Variants in THADA observed in about 807,000 individuals in gnomAD.
The protein encoded by THADA is tRNA (32-2'-O)-methyltransferase regulator THADA.
THADA carries 213 observed loss-of-function variants against 219.8 expected under a neutral mutation model. The observed-to-expected ratio is 0.97, with a 90% CI of 0.87 to 1.09. The LOEUF (loss-of-function observed/expected upper bound fraction) is 1.09, where lower values mean the gene tolerates loss of function less well. Among genes scored for constraint, THADA ranks in the 50% least tolerant of loss-of-function variants. THADA has a pLI of 0.00. For missense variants in THADA, 2,956 were observed against 2,311.3 expected (o/e 1.28, Z -5.72); for synonymous variants, 1,018 against 828.9 (o/e 1.23, Z -3.92).
At chr2:43,249,380 G>A (rs1196050318) in intron 36 of THADA, among the ~76,000 whole-genome samples, 1 of 152,120 alleles carries the variant, frequency 6.6e-6, no homozygotes, top group African/African-American at 2.4e-5. Context: ...AATCGTTGTG[G>A]CCGGCCAATG....
chr2:43,515,181 T>C (rs1232708172), intron 22 of THADA, among the ~76,000 whole-genome samples: 2 of 45,224 alleles, frequency 4.4e-5, no homozygotes, highest in Non-Finnish European at 7.5e-5. Flanking sequence ...TTATATATTA[T>C]ATATAATATA....
rs1378750867 is a variant in THADA, at chr2:43,485,428, T to C, written c.3745-103A>G. ...AATTCAAAATCATTACCTAACTGGC[T>C]AGTGTGAGGCTAAAAAGACAGATTT... On this transcript the variant is annotated intron_variant, in intron 25 of 37. Transcript: ENST00000405975. The C allele has an allele frequency of 5.1e-6, 4 of 791,242 alleles. No homozygotes were observed. In the Admixed American group the frequency reaches 9.4e-5, roughly 19 times the overall value. 49.0% of individuals were successfully genotyped at this position (791,242 alleles called of 1,614,324 possible).
chr2:43,533,637 G>A (rs1256916800), intron 21 of THADA, among the ~76,000 whole-genome samples: 2 of 152,124 alleles, frequency 1.3e-5, no homozygotes, highest in Non-Finnish European at 2.9e-5. Context: ...AACTAACACA[G>A]GAACAAAAAA....
At chr2:43,253,431 C>T (rs1012645515) in intron 36 of THADA, among the ~76,000 whole-genome samples, 9 of 152,148 alleles carry the variant, frequency 5.9e-5, no homozygotes, top group Admixed American at 4.6e-4. Context: ...GTGGCTCTAA[C>T]CTCCCACTAC....
intron 26 of THADA, among the ~76,000 whole-genome samples, chr2:43,451,829 G>A (rs1682375825): frequency 6.6e-6 from 1 of 152,186 alleles, no homozygotes; most frequent in Admixed American, 6.5e-5. Flanking sequence ...ATCACAGGCT[G>A]GGCTCAGTGG....
intron 36 of THADA, among the ~76,000 whole-genome samples, chr2:43,260,023 G>A (rs866729867): frequency 1.6e-4 from 25 of 152,086 alleles, no homozygotes; most frequent in African/African-American, 2.4e-4. Flanking sequence ...TCGCTCTGTC[G>A]TCCAGGCTGG....
chr2:43,370,428 A>G (rs1337148829), intron 29 of THADA, among the ~76,000 whole-genome samples: 1 of 152,210 alleles, frequency 6.6e-6, no homozygotes, highest in Non-Finnish European at 1.5e-5. Context: ...TCGGGAAAGG[A>G]CATACAGCAA....
At chr2:43,494,824 C>T (rs1241878465) in intron 25 of THADA, among the ~76,000 whole-genome samples, 2 of 152,120 alleles carry the variant, frequency 1.3e-5, no homozygotes, top group Non-Finnish European at 2.9e-5. Flanking sequence ...AGAATGCCTA[C>T]TAGGTAGCAA....
At chr2:43,593,489 C>T (rs1342220707) in intron 1 of THADA, among the ~76,000 whole-genome samples, 1 of 152,166 alleles carries the variant, frequency 6.6e-6, no homozygotes, top group Non-Finnish European at 1.5e-5. Flanking sequence ...TCTGAAGGAC[C>T]TAGAGAGCAC....
At chr2:43,579,798 G>A (rs751937649) in intron 8 of THADA, among the ~76,000 whole-genome samples, 3 of 152,154 alleles carry the variant, frequency 2.0e-5, no homozygotes, top group Non-Finnish European at 4.4e-5. Context: ...AAACGTGGGT[G>A]AAAACCAACC....
chr2:43,394,584 T>C (rs1673798409), intron 29 of THADA, among the ~76,000 whole-genome samples: 1 of 152,212 alleles, frequency 6.6e-6, no homozygotes, highest in African/African-American at 2.4e-5. Context: ...TGCAGGCTTT[T>C]TAATGATTTC....
chr2:43,310,232 C>CT (rs894503636), intron 31 of THADA, among the ~76,000 whole-genome samples: 1 of 126,400 alleles, frequency 7.9e-6, no homozygotes, highest in Non-Finnish European at 1.6e-5. Flanking sequence ...TCCCGCCCCC[C>CT]CCCCAAACAA....
In THADA at chr2:43,500,834, C is replaced by G. The variant is rs548175382; in HGVS notation, c.3622-1879G>C. Among the ~76,000 whole-genome samples, 6 of 152,224 alleles carry G rather than the reference C, an allele frequency of 3.9e-5. No individual in the cohort carries two copies. In the South Asian group the frequency reaches 1.2e-3, roughly 32 times the overall value. On this transcript the variant is annotated intron_variant, in intron 24 of 37. Transcript: ENST00000405975. ...CATAAAACAAATCCAAAAGAATTTA[C>G]AGGTAAGTCATTTGCTGTGTTACAG...
chr2:43,430,641 T>C (rs771169813), intron 26 of THADA: 16 of 459,920 alleles, frequency 3.5e-5, no homozygotes, highest in Non-Finnish European at 5.2e-5. Context: ...CAACACCAGA[T>C]TGACTGAGAC....
intron 36 of THADA, among the ~76,000 whole-genome samples, chr2:43,264,028 C>T (rs1671249046): frequency 6.6e-6 from 1 of 152,138 alleles, no homozygotes; most frequent in Non-Finnish European, 1.5e-5. Context: ...AAATTATTTT[C>T]CTCCATGGGC....
chr2:43,350,815 T>C (rs531272497), intron 29 of THADA, among the ~76,000 whole-genome samples: 3 of 152,332 alleles, frequency 2.0e-5, no homozygotes, highest in African/African-American at 7.2e-5. Flanking sequence ...TGGGTAAGAA[T>C]ACATCCTTAG....
At chr2:43,352,331 G>A (rs564241761) in intron 29 of THADA, among the ~76,000 whole-genome samples, 2 of 152,300 alleles carry the variant, frequency 1.3e-5, no homozygotes, top group African/African-American at 2.4e-5. Context: ...GCCGAGGTAA[G>A]TGGATCACCT....
At chr2:43,253,198 A>C (rs1669977458) in intron 36 of THADA, among the ~76,000 whole-genome samples, 1 of 152,156 alleles carries the variant, frequency 6.6e-6, no homozygotes, top group African/African-American at 2.4e-5. Context: ...GAGCCACTGG[A>C]GGTAGAGAAG....
intron 36 of THADA, among the ~76,000 whole-genome samples, chr2:43,243,451 A>T (rs897677417): frequency 1.3e-5 from 2 of 152,202 alleles, no homozygotes; most frequent in Non-Finnish European, 2.9e-5. Context: ...GCCCTGCTGT[A>T]GGCCTGCCTC....
Sources: allele counts gnomAD v4.1 joint callset (sites outside exome capture counted in the v4.1 genomes callset), GRCh38; gene constraint gnomAD v4.1.1; transcripts MANE v1.5; gene names NCBI Gene and HGNC (gene_info 2026-07-23, HGNC 2026-07-21).